PRKG1: variants seen among roughly 807,000 people sequenced by gnomAD.
PRKG1 encodes protein kinase cGMP-dependent 1.
PRKG1 carries 35 observed loss-of-function variants against 88.1 expected under a neutral mutation model. That is an observed-to-expected ratio of 0.40 (90% CI 0.30 to 0.53). PRKG1 has a LOEUF of 0.53. Ranked by LOEUF, PRKG1 falls within the 20% of genes least tolerant of loss-of-function variation. The pLI, the probability that PRKG1 is intolerant of heterozygous loss-of-function variation, is 0.59. For synonymous variants in PRKG1, 303 were observed against 292.5 expected, an observed-to-expected ratio of 1.04 and a Z score of -0.37; for missense variants, 540 against 839.8, an observed-to-expected ratio of 0.64 and a Z score of 4.41.
At chr10:51,896,667 A>AAG (rs1267171761) in intron 4 of PRKG1, among the ~76,000 whole-genome samples, 3 of 150,316 alleles carry the variant, frequency 2.0e-5, no homozygotes, top group African/African-American at 7.3e-5. Context: ...AAAAAAAAAA[A>AAG]AAAGAAAAGA....
At chr10:51,641,840 G>C (rs373910858) in intron 3 of PRKG1, among the ~76,000 whole-genome samples, 1 of 151,740 alleles carries the variant, frequency 6.6e-6, no homozygotes, top group African/African-American at 2.4e-5. Flanking sequence ...TCCTCCTTTG[G>C]AACCCCGTTC....
At chr10:51,120,618 GT>G (rs1845238878) in intron 1 of PRKG1, among the ~76,000 whole-genome samples, 1 of 152,042 alleles carries the variant, frequency 6.6e-6, no homozygotes, top group South Asian at 2.1e-4. Context: ...GACATCCTAG[GT>G]TTTAAGTTTC....
chr10:51,744,486 C>CT (rs1477984664), intron 3 of PRKG1, among the ~76,000 whole-genome samples: 1 of 152,196 alleles, frequency 6.6e-6, no homozygotes, highest in East Asian at 1.9e-4. Context: ...CCCAGGACCA[C>CT]TTTCTCTCAG....
chr10:51,237,834 C>T (rs1337260126), intron 2 of PRKG1, among the ~76,000 whole-genome samples: 1 of 152,078 alleles, frequency 6.6e-6, no homozygotes, highest in African/African-American at 2.4e-5. Flanking sequence ...TTCAGTGTTT[C>T]AGGCCCTTGA....
chr10:52,020,933 G>A (rs751040362), intron 5 of PRKG1, among the ~76,000 whole-genome samples: 7 of 152,036 alleles, frequency 4.6e-5, no homozygotes, highest in Non-Finnish European at 8.8e-5. Flanking sequence ...ACCAGGAAAT[G>A]GCCTCTCCCT....
At chr10:52,038,385 A>C (rs528356692) in intron 5 of PRKG1, among the ~76,000 whole-genome samples, 1 of 151,648 alleles carries the variant, frequency 6.6e-6, no homozygotes, top group South Asian at 2.1e-4. Context: ...GGGATGAAGC[A>C]CAGAAATAAG....
intron 9 of PRKG1, among the ~76,000 whole-genome samples, chr10:52,232,077 C>A (rs555629199): frequency 6.6e-6 from 1 of 152,038 alleles, no homozygotes; most frequent in African/African-American, 2.4e-5. Context: ...CTGAGGCTGG[C>A]GGATCACCTG....
intron 7 of PRKG1, among the ~76,000 whole-genome samples, chr10:52,095,345 C>A (rs1847148436): frequency 6.6e-6 from 1 of 152,182 alleles, no homozygotes; most frequent in Non-Finnish European, 1.5e-5. Flanking sequence ...TCCCTTCTCC[C>A]ACATGCCCAG....
chr10:51,806,137 C>A (rs1839300791), intron 4 of PRKG1, among the ~76,000 whole-genome samples: 1 of 152,102 alleles, frequency 6.6e-6, no homozygotes, highest in African/African-American at 2.4e-5. Context: ...AGTTTAAGAG[C>A]TATTGATTTC....
At chr10:51,140,472 C>T (rs932738421) in intron 1 of PRKG1, among the ~76,000 whole-genome samples, 3 of 152,132 alleles carry the variant, frequency 2.0e-5, no homozygotes, top group African/African-American at 7.2e-5. Context: ...CACACCTGGA[C>T]CAGCGTGGTT....
intron 7 of PRKG1, among the ~76,000 whole-genome samples, chr10:52,132,262 A>G (rs1837287338): frequency 6.6e-6 from 1 of 152,154 alleles, no homozygotes; most frequent in African/African-American, 2.4e-5. Context: ...CTAGAATCCC[A>G]AGGTGGGTGT....
chr10:51,361,116 A>G lies in PRKG1; in HGVS notation c.479-106607A>G, dbSNP rs1189317. Among the ~76,000 whole-genome samples, 895 of 152,000 alleles carry G rather than the reference A, an allele frequency of 5.9e-3. 9 individuals are homozygous for G. Among genetic ancestry groups the G allele is most frequent in the African/African-American group, 0.02 (829 of 41,522 alleles). On this transcript the variant is annotated intron_variant, in intron 2 of 17. Coordinates refer to ENST00000373980, the MANE Select transcript of PRKG1 (RefSeq NM_006258.4). The stretch of plus-strand genomic sequence containing the variant: ...AATAAATACAATTCTGGCGTGTCTT[A>G]TTGCTGGAAATGTATAGACAATTTT...
At chr10:51,587,393 C>A (rs1838200270) in intron 3 of PRKG1, among the ~76,000 whole-genome samples, 3 of 152,148 alleles carry the variant, frequency 2.0e-5, no homozygotes, top group Admixed American at 6.5e-5. Flanking sequence ...AACAAATCCT[C>A]ATTCCGTGTC....
At chr10:51,171,807 C>T (rs757572025) in intron 2 of PRKG1, among the ~76,000 whole-genome samples, 1 of 152,040 alleles carries the variant, frequency 6.6e-6, no homozygotes, top group African/African-American at 2.4e-5. Flanking sequence ...TCTCTCTAAG[C>T]CCACTGTTCC....
chr10:51,688,567 T>G, intron 3 of PRKG1, among the ~76,000 whole-genome samples: 1 of 85,532 alleles, frequency 1.2e-5, no homozygotes, highest in South Asian at 3.3e-4. Flanking sequence ...TAACAATCCT[T>G]TTTTTTTTTT....
intron 9 of PRKG1, among the ~76,000 whole-genome samples, chr10:52,227,083 A>G (rs1840406951): frequency 6.6e-6 from 1 of 152,304 alleles, no homozygotes; most frequent in South Asian, 2.1e-4. Context: ...TGTTTGATGT[A>G]TTTTAATTAA....
intron 2 of PRKG1, among the ~76,000 whole-genome samples, chr10:51,450,098 G>A (rs533961680): frequency 1.0e-3 from 152 of 151,972 alleles, no homozygotes; most frequent in Non-Finnish European, 9.0e-4. Context: ...ATTTTTTATA[G>A]GAATTAGATT....
chr10:51,210,150 G>A (rs1838174258), intron 2 of PRKG1, among the ~76,000 whole-genome samples: 1 of 152,048 alleles, frequency 6.6e-6, no homozygotes, highest in Non-Finnish European at 1.5e-5. Context: ...TAGAACTCAG[G>A]ATTAAGAAAC....
At chr10:51,689,149 G>A (rs1841070347) in intron 3 of PRKG1, among the ~76,000 whole-genome samples, 1 of 152,040 alleles carries the variant, frequency 6.6e-6, no homozygotes, top group African/African-American at 2.4e-5. Context: ...TCTTTCCTTT[G>A]TAAGTTTCTG....
Sources: gnomAD v4.1 joint callset for allele counts (sites outside exome capture counted in the v4.1 genomes callset) on GRCh38, gnomAD v4.1.1 for gene constraint, MANE v1.5 for transcripts, NCBI Gene and HGNC (gene_info 2026-07-23, HGNC 2026-07-21) for gene names.